The following MAN1A1 variants were observed in gnomAD, a reference collection of about 807,000 sequenced individuals.
The protein encoded by MAN1A1 is mannosidase alpha class 1A member 1.
Under a neutral mutation model 70.8 loss-of-function variants are expected in MAN1A1, and 29 were observed. The ratio of observed to expected loss-of-function variants is 0.41; its 90% CI spans 0.31 to 0.56. The LOEUF is 0.56. Among genes scored for constraint, MAN1A1 ranks in the 20% least tolerant of loss-of-function variants. MAN1A1 has a pLI of 0.29. For missense variants in MAN1A1, 747 were observed against 841.3 expected (o/e 0.89, Z 1.39); for synonymous variants, 349 against 330.1 (o/e 1.06, Z -0.62).
At chr6:119,198,636 A>G (rs550023584) in intron 8 of MAN1A1, among the ~76,000 whole-genome samples, 1 of 152,338 alleles carries the variant, frequency 6.6e-6, no homozygotes, top group African/African-American at 2.4e-5. Context: ...CAAAAAAGTT[A>G]TATTTTACAA....
chr6:119,309,941 G>A (rs7769071), intron 2 of MAN1A1, among the ~76,000 whole-genome samples: 1,816 of 152,250 alleles, frequency 0.012, 39 homozygotes, highest in African/African-American at 0.042. Flanking sequence ...TTGAGTATCT[G>A]CTACACTATG....
intron 6 of MAN1A1, among the ~76,000 whole-genome samples, 180 bp from the exon 7 acceptor site, chr6:119,205,062 T>C (rs1773823189): frequency 6.6e-6 from 1 of 152,192 alleles, no homozygotes; most frequent in South Asian, 2.1e-4. Context: ...TTGTCTCCTA[T>C]CTCCAAATTG....
At chr6:119,257,905 T>C (rs913021458) in intron 5 of MAN1A1, among the ~76,000 whole-genome samples, 24 of 152,170 alleles carry the variant, frequency 1.6e-4, no homozygotes, top group Admixed American at 2.0e-4. Flanking sequence ...ATCTCAATTT[T>C]AGGTTTAAAA....
chr6:119,270,790 T>A (rs1405218937), intron 5 of MAN1A1, among the ~76,000 whole-genome samples: 2 of 152,186 alleles, frequency 1.3e-5, no homozygotes, highest in Non-Finnish European at 2.9e-5. Flanking sequence ...ATCCCTTGAG[T>A]TGGTCATTAA....
At chr6:119,229,425 T>C (rs965961038) in intron 6 of MAN1A1, among the ~76,000 whole-genome samples, 1 of 152,218 alleles carries the variant, frequency 6.6e-6, no homozygotes, top group Non-Finnish European at 1.5e-5. Flanking sequence ...AACTTATTTA[T>C]CTATAGAGCT....
intron 11 of MAN1A1, among the ~76,000 whole-genome samples, chr6:119,180,986 T>C (rs1453632863): frequency 6.6e-6 from 1 of 152,036 alleles, no homozygotes; most frequent in Non-Finnish European, 1.5e-5. Context: ...TTTGGAAAAA[T>C]TTTTCACTGA....
chr6:119,188,314 T>C (rs902476013), intron 11 of MAN1A1, 91 bp downstream of exon 11: 18 of 1,221,068 alleles, frequency 1.5e-5, no homozygotes, highest in South Asian at 3.0e-5. Context: ...TTAAAAATTA[T>C]AGAAAAGTTG....
intron 8 of MAN1A1, 71 bp from the exon 9 acceptor site, chr6:119,193,963 A>C: frequency 1.1e-6 from 1 of 872,116 alleles, no homozygotes. Context: ...AAATCACATT[A>C]GCAACTAGGA....
chr6:119,213,223 A>G (rs1388479377), intron 6 of MAN1A1, among the ~76,000 whole-genome samples: 1 of 152,236 alleles, frequency 6.6e-6, no homozygotes, highest in Admixed American at 6.5e-5. Context: ...GCACAAATAA[A>G]AATGTGCGCA....
At chr6:119,196,382 T>G (rs1773569964) in intron 8 of MAN1A1, among the ~76,000 whole-genome samples, 1 of 151,758 alleles carries the variant, frequency 6.6e-6, no homozygotes, top group Non-Finnish European at 1.5e-5. Flanking sequence ...TCTCATTAAT[T>G]TAGCATGTCA....
At chr6:119,297,884 A>C (rs1415577869) in intron 4 of MAN1A1, among the ~76,000 whole-genome samples, 12 of 151,186 alleles carry the variant, frequency 7.9e-5, no homozygotes, top group African/African-American at 2.7e-4. Context: ...TTCTGGGTTC[A>C]AGAAATCCAC....
intron 2 of MAN1A1, among the ~76,000 whole-genome samples, chr6:119,309,641 A>G: frequency 6.6e-6 from 1 of 152,098 alleles, no homozygotes; most frequent in African/African-American, 2.4e-5. Context: ...CAGTAGTGAA[A>G]CCCTCACAAA....
chr6:119,259,596 T>TA (rs1415463988), intron 5 of MAN1A1, among the ~76,000 whole-genome samples: 1 of 152,220 alleles, frequency 6.6e-6, no homozygotes, highest in South Asian at 2.1e-4. Flanking sequence ...TATACACTGA[T>TA]ACCTTTAAAT....
At chr6:119,324,380 C>T (rs1380807813) in intron 2 of MAN1A1, among the ~76,000 whole-genome samples, 1 of 152,140 alleles carries the variant, frequency 6.6e-6, no homozygotes, top group East Asian at 1.9e-4. Context: ...GTAAGGCTTC[C>T]GGTCAGCAGT....
intron 5 of MAN1A1, among the ~76,000 whole-genome samples, chr6:119,278,468 A>C (rs537218576): frequency 1.2e-4 from 18 of 152,188 alleles, no homozygotes; most frequent in African/African-American, 4.1e-4. Flanking sequence ...TTTACTCAGT[A>C]CATATTTTAG....
At chr6:119,237,419 T>C (rs76595281) in intron 6 of MAN1A1, among the ~76,000 whole-genome samples, 2 of 152,176 alleles carry the variant, frequency 1.3e-5, no homozygotes. Flanking sequence ...CTCCCTCTCC[T>C]ACATTTTTTT....
chr6:119,201,108 G>A, intron 8 of MAN1A1, 146 bp downstream of exon 8: 1 of 624,660 alleles, frequency 1.6e-6, no homozygotes, highest in Non-Finnish European at 2.9e-6. Flanking sequence ...ACAATCTGAT[G>A]ACAGAAGCCT....
intron 11 of MAN1A1, among the ~76,000 whole-genome samples, chr6:119,187,669 A>G (rs1393900782): frequency 3.9e-5 from 6 of 152,226 alleles, no homozygotes; most frequent in Admixed American, 3.9e-4. Context: ...GAGTGTAATT[A>G]AAGAATTTGC....
In MAN1A1 at chr6:119,218,569, A is replaced by C. The variant is rs545997060; in HGVS notation, c.993-13687T>G. Among the ~76,000 whole-genome samples the C allele has an allele frequency of 7.9e-5, 12 of 152,094 alleles. No individual in the cohort carries two copies. In the East Asian group the frequency reaches 1.4e-3, roughly 17 times the overall value. On this transcript the variant is annotated intron_variant, in intron 6 of 12. Transcript: ENST00000368468. ...TACTTATAACATCGATAAAAAAAAA[A>C]ACACAAAAAACTTGATTCCAGGCTG...
Sources: allele counts gnomAD v4.1 joint callset (sites outside exome capture counted in the v4.1 genomes callset), GRCh38; gene constraint gnomAD v4.1.1; transcripts MANE v1.5; gene names NCBI Gene and HGNC (gene_info 2026-07-23, HGNC 2026-07-21).